Variants in IAPP observed in about 807,000 individuals in gnomAD.
IAPP encodes islet amyloid polypeptide.
Under a neutral mutation model 2.9 loss-of-function variants are expected in IAPP, and 4 were observed. The ratio of observed to expected loss-of-function variants is 1.39; its 90% CI spans 0.69 to 3.19. The LOEUF is 3.19. IAPP is among the 30% of genes most tolerant of loss of function. The pLI is 0.01. For missense variants in IAPP, 114 were observed against 105.3 expected (o/e 1.08, Z -0.36); for synonymous variants, 40 against 42.1 (o/e 0.95, Z 0.19).
intron 1 of IAPP, among the ~76,000 whole-genome samples, chr12:21,364,550 C>A (rs994477677): frequency 1.2e-4 from 19 of 152,074 alleles, no homozygotes; most frequent in African/African-American, 4.6e-4. Flanking sequence ...CTGGCCAGGG[C>A]AATCAGGGAA....
chr12:21,359,113 G>A (rs2137039009), intron 1 of IAPP, among the ~76,000 whole-genome samples: 1 of 152,234 alleles, frequency 6.6e-6, no homozygotes, highest in East Asian at 1.9e-4. Flanking sequence ...CAGAAGCAAG[G>A]CCATGGGATA....
upstream of IAPP, among the ~76,000 whole-genome samples, chr12:21,368,490 C>G (rs974091791): frequency 6.6e-6 from 1 of 151,660 alleles, no homozygotes; most frequent in African/African-American, 2.4e-5. Flanking sequence ...TTGTAGACAA[C>G]TGGAAAACGT....
At position 21,378,596 on chromosome 12, in the gene IAPP, C is replaced by A; in HGVS notation, c.*170C>A. On this transcript the variant is annotated 3_prime_UTR_variant, in exon 3 of 3. Transcript: ENST00000240652. ...TTTATATGTAGTACTAACTAAGGTCCCATAATAAAAAGATAGTATCTTTTA... is the reference window on the plus strand; with the variant it reads ...TTTATATGTAGTACTAACTAAGGTCACATAATAAAAAGATAGTATCTTTTA... 2 of 538,570 alleles carry A rather than the reference C, an allele frequency of 3.7e-6. No individual in the cohort carries two copies. The highest frequency in any genetic ancestry group is 3.0e-5 in the South Asian group (1 of 33,158). The allele number at this position is 538,570 out of a possible 1,614,324, so 33.4% of individuals were successfully genotyped here. A position where few individuals can be genotyped will look rare whatever the true frequency, so the allele number is the denominator to read the frequency against.
At chr12:21,362,429 G>C (rs11045999) in intron 1 of IAPP, among the ~76,000 whole-genome samples, 143,484 of 152,198 alleles carry the variant, frequency 0.94, 67,845 homozygotes, top group East Asian at 1. Context: ...CAACCGGTAC[G>C]AGCCACTGCA....
intron 2 of IAPP, 61 bp from the exon 3 acceptor site, chr12:21,378,176 A>T: frequency 6.9e-7 from 1 of 1,452,596 alleles, no homozygotes; most frequent in Non-Finnish European, 9.7e-7. Context: ...TTGATGTCAC[A>T]TGGCTGGATC....
chr12:21,355,762 T>C (rs762212458), intron 1 of IAPP, among the ~76,000 whole-genome samples: 1 of 152,066 alleles, frequency 6.6e-6, no homozygotes, highest in Non-Finnish European at 1.5e-5. Flanking sequence ...AGAAACAAAA[T>C]ACAGATTAAG....
intron 1 of IAPP, among the ~76,000 whole-genome samples, chr12:21,364,426 C>T (rs948721962): frequency 1.3e-5 from 2 of 152,098 alleles, no homozygotes; most frequent in Non-Finnish European, 2.9e-5. Flanking sequence ...TTATGACAAA[C>T]CCACAGGCAA....
intron 2 of IAPP, chr12:21,373,717 G>A (rs12319824): frequency 0.2 from 140,797 of 700,114 alleles, 16,242 homozygotes; most frequent in African/African-American, 0.43. Flanking sequence ...AACATGAAGC[G>A]GGAAAAAAAT....
Position 21,366,529 on chromosome 12 carries a change from G to C in IAPP, c.-15-6808G>C, listed in dbSNP as rs148596996. Among the ~76,000 whole-genome samples, 1,194 of 151,906 alleles carry C rather than the reference G, an allele frequency of 7.9e-3. 14 individuals carry two copies. The highest frequency in any genetic ancestry group is 0.027 in the African/African-American group (1,119 of 41,404). ...CTGCACATTGTGCACATGTACCCTA[G>C]AACCTTAAGTAAAATAATAAAATAA... On this transcript the variant is annotated intron_variant, in intron 1 of 2. Coordinates refer to the IAPP transcript ENST00000539393.
chr12:21,378,222 G>A lies in IAPP; in HGVS notation c.81-15G>A. 1 of 1,613,114 alleles carries A rather than the reference G, an allele frequency of 6.2e-7. No individual in the cohort carries two copies. The highest frequency in any genetic ancestry group is 8.5e-7 in the Non-Finnish European group (1 of 1,179,084). On this transcript the variant is annotated splice_polypyrimidine_tract_variant and intron_variant, in intron 2 of 2. Coordinates refer to ENST00000240652, the MANE Select transcript of IAPP (RefSeq NM_000415.3). ...TCTAAGGCTCTAACTTTTCACATTT[G>A]TTCCATGTTACCAGTCATCAGGTGG... is the stretch of plus-strand genomic sequence containing the variant.
chr12:21,371,053 G>C (rs546728404), upstream of IAPP, among the ~76,000 whole-genome samples: 1 of 152,336 alleles, frequency 6.6e-6, no homozygotes, highest in East Asian at 1.9e-4. Flanking sequence ...AGCAGCTTAC[G>C]GCGGTTTTGC....
At chr12:21,374,567 T>C (rs1209355627) in intron 2 of IAPP, 2 of 152,234 alleles carry the variant, frequency 1.3e-5, no homozygotes, top group Admixed American at 1.3e-4. Context: ...AGAGGCTTTT[T>C]GTCATTTCAA....
At chr12:21,357,358 AAACC>A (rs1938451160) in intron 1 of IAPP, among the ~76,000 whole-genome samples, 1 of 152,200 alleles carries the variant, frequency 6.6e-6, no homozygotes, top group African/African-American at 2.4e-5. Flanking sequence ...CTGCTTCTCC[AAACC>A]AACAAGATTG....
chr12:21,376,298 AT>A, intron 2 of IAPP: 1 of 336,714 alleles, frequency 3.0e-6, no homozygotes, highest in Non-Finnish European at 6.1e-6. Flanking sequence ...TTGACCCATA[AT>A]TTTCCTTTAT....
chr12:21,369,768 C>T (rs920151531), upstream of IAPP, among the ~76,000 whole-genome samples: 5 of 152,194 alleles, frequency 3.3e-5, no homozygotes, highest in Admixed American at 3.3e-4. Context: ...GCTGCCAGCA[C>T]CTCATTCACA....
chr12:21,367,029 A>C (rs527860570), intron 1 of IAPP, among the ~76,000 whole-genome samples: 34 of 152,216 alleles, frequency 2.2e-4, no homozygotes, highest in Middle Eastern at 6.8e-3. Context: ...CAATAGAAAA[A>C]GATCCACACC....
intron 1 of IAPP, among the ~76,000 whole-genome samples, chr12:21,358,150 A>G (rs1938522612): frequency 6.6e-6 from 1 of 152,234 alleles, no homozygotes; most frequent in South Asian, 2.1e-4. Context: ...TCTGTGCTAC[A>G]TTTTAAAGGA....
intron 1 of IAPP, among the ~76,000 whole-genome samples, chr12:21,360,336 G>A (rs1388170667): frequency 2.0e-5 from 3 of 152,162 alleles, no homozygotes; most frequent in African/African-American, 7.2e-5. Flanking sequence ...AAATGAAGGT[G>A]TAAAACGACA....
At chr12:21,371,963 T>C (rs1456502721), upstream of IAPP, among the ~76,000 whole-genome samples, 3 of 151,504 alleles carry the variant, frequency 2.0e-5, no homozygotes, top group African/African-American at 7.3e-5. Context: ...GATCGCACCC[T>C]TGTACTCCAG....
Sources: allele counts gnomAD v4.1 joint callset (sites outside exome capture counted in the v4.1 genomes callset), GRCh38; gene constraint gnomAD v4.1.1; transcripts MANE v1.5; gene names NCBI Gene and HGNC (gene_info 2026-07-23, HGNC 2026-07-21).